Variants in SPON1 observed in about 807,000 individuals in gnomAD.
The protein encoded by SPON1 is spondin 1.
Under a neutral mutation model 111.7 loss-of-function variants are expected in SPON1, and 52 were observed. The ratio of observed to expected loss-of-function variants is 0.47; its 90% confidence interval spans 0.37 to 0.59. SPON1 has a LOEUF of 0.59. Ranked by LOEUF, SPON1 falls within the 20% of genes least tolerant of loss-of-function variation. The pLI is 0.00. For missense variants in SPON1, 957 were observed against 1,068.5 expected (o/e 0.90, Z 1.46); for synonymous variants, 410 against 395.8 (o/e 1.04, Z -0.43).
chr11:14,256,076 A>G (rs782380753), intron 9 of SPON1, among the ~76,000 whole-genome samples: 1 of 152,146 alleles, frequency 6.6e-6, no homozygotes, highest in Non-Finnish European at 1.5e-5. Flanking sequence ...GTGAAACCCC[A>G]TCTCTACTAA....
At chr11:14,112,619 T>C (rs1285905186) in intron 5 of SPON1, among the ~76,000 whole-genome samples, 1 of 152,246 alleles carries the variant, frequency 6.6e-6, no homozygotes, top group Non-Finnish European at 1.5e-5. Flanking sequence ...CAGCTATTAT[T>C]ATGACCCTTT....
chr11:14,060,063 AAAGT>A lies in SPON1; in HGVS notation c.480-15279_480-15276del, dbSNP rs1212814029. On this transcript the variant is annotated intron_variant, in intron 3 of 15. Coordinates refer to ENST00000576479, the MANE Select transcript of SPON1 (RefSeq NM_006108.4). The stretch of plus-strand genomic sequence containing the variant: ...TAGGAAGTACCCCTTTACATTTTTA[AAAGT>A]AATTTAGGGTTTGCAGAGCACCTTC... Among the ~76,000 whole-genome samples the A allele has an allele frequency of 2.0e-5, 3 of 152,200 alleles. No homozygotes were observed. The East Asian group carries it at 5.8e-4, about 29-fold the overall frequency.
At position 14,135,684 on chromosome 11, in the gene SPON1, T is replaced by C. The variant is rs1847583602; in HGVS notation, c.825+116T>C. 6 of 1,057,312 alleles carry C rather than the reference T, an allele frequency of 5.7e-6. No individual in the cohort carries two copies. Among genetic ancestry groups the C allele is most frequent in the Middle Eastern group, 4.2e-4 (2 of 4,768 alleles). The allele number at this position is 1,057,312 out of a possible 1,614,324, so 65.5% of individuals were successfully genotyped here. A position where few individuals can be genotyped will look rare whatever the true frequency, so the allele number is the denominator to read the frequency against. On this transcript the variant is annotated intron_variant, in intron 6 of 15. Coordinates refer to ENST00000576479, the MANE Select transcript of SPON1 (RefSeq NM_006108.4). This position sits in a 1 kb window ranked among gnomAD's most constrained non-coding sequence, Gnocchi z 4.4. ...TACAATGTGGTGGAAGAAAATCTAT[T>C]TGCTGAGTTTGGGGGTTTTATGTTA...
chr11:14,165,731 T>C (rs1057018615), intron 6 of SPON1, among the ~76,000 whole-genome samples: 5 of 152,212 alleles, frequency 3.3e-5, no homozygotes, highest in Admixed American at 6.5e-5. Context: ...AGCATAATTT[T>C]TCTGTCTCCA....
In SPON1 at chr11:14,131,240, C is replaced by G. The variant is rs182440989; in HGVS notation, c.677-4180C>G. Among the ~76,000 whole-genome samples, 15 of 152,268 alleles carry G rather than the reference C, an allele frequency of 9.9e-5. No homozygotes were observed. The East Asian group carries it at 2.5e-3, about 25-fold the overall frequency. ...AACGTGTGTTCTGGAGTCAGGCAGA[C>G]CTGGGCTTGAACCTCAGTTTTGCTC... is the stretch of plus-strand genomic sequence containing the variant. On this transcript the variant is annotated intron_variant, in intron 5 of 15. Coordinates refer to ENST00000576479, the MANE Select transcript of SPON1 (RefSeq NM_006108.4).
At chr11:14,105,928 G>A (rs1203396995) in intron 5 of SPON1, among the ~76,000 whole-genome samples, 1 of 152,144 alleles carries the variant, frequency 6.6e-6, no homozygotes, top group Non-Finnish European at 1.5e-5. Context: ...TCAAGGTAAA[G>A]TCCCATTACC....
chr11:14,237,460 T>G (rs1371017083), intron 6 of SPON1, among the ~76,000 whole-genome samples: 1 of 152,012 alleles, frequency 6.6e-6, no homozygotes, highest in Non-Finnish European at 1.5e-5. Context: ...TCAGGGAAAG[T>G]GGAAAGAATG....
chr11:13,963,262 A>C (rs1174143844), intron 1 of SPON1, 120 bp downstream of exon 1: 9 of 707,900 alleles, frequency 1.3e-5, no homozygotes, highest in African/African-American at 1.9e-5. Context: ...GCAGCCCGGC[A>C]AGGGCCCTTC....
chr11:14,212,458 C>T (rs1427533601), intron 6 of SPON1, among the ~76,000 whole-genome samples: 1 of 152,136 alleles, frequency 6.6e-6, no homozygotes, highest in African/African-American at 2.4e-5. Flanking sequence ...TATAATTAGA[C>T]ATAGTATTCC....
intron 2 of SPON1, among the ~76,000 whole-genome samples, chr11:13,987,086 G>A (rs1166678847): frequency 6.6e-6 from 1 of 152,120 alleles, no homozygotes; most frequent in Non-Finnish European, 1.5e-5. Flanking sequence ...CCCAGTAATG[G>A]GATCGCTGGG....
intron 7 of SPON1, among the ~76,000 whole-genome samples, chr11:14,243,994 C>A (rs1848960006): frequency 1.3e-5 from 2 of 152,208 alleles, no homozygotes; most frequent in South Asian, 4.1e-4. Flanking sequence ...TGGGTCCCAT[C>A]ACCTTCAAAC....
At chr11:14,161,744 A>G (rs949101197) in intron 6 of SPON1, among the ~76,000 whole-genome samples, 3 of 152,216 alleles carry the variant, frequency 2.0e-5, no homozygotes, top group African/African-American at 7.2e-5. Context: ...GAGTGGTTGT[A>G]TGTGTACTCG....
chr11:14,211,664 T>C (rs544288187), intron 6 of SPON1, among the ~76,000 whole-genome samples: 4 of 152,290 alleles, frequency 2.6e-5, no homozygotes, highest in African/African-American at 7.2e-5. Context: ...TTTCTAGGGG[T>C]TTACTGCTTG....
chr11:13,969,307 G>A (rs1258407507), intron 1 of SPON1, among the ~76,000 whole-genome samples: 1 of 152,042 alleles, frequency 6.6e-6, no homozygotes, highest in Non-Finnish European at 1.5e-5. Context: ...GATCTCTTGA[G>A]CTGGAGAAGT....
chr11:14,244,678 G>A lies in SPON1; in HGVS notation c.890+1282G>A, dbSNP rs185729140. 1.3e-3 allele frequency among the ~76,000 whole-genome samples: 200 copies of A among 150,738 alleles called. 1 individual carries two copies. The highest frequency in any genetic ancestry group is 4.5e-3 in the African/African-American group (185 of 40,922). On this transcript the variant is annotated intron_variant, in intron 7 of 15. Coordinates refer to ENST00000576479, the MANE Select transcript of SPON1 (RefSeq NM_006108.4). ...TAGGAGCATCGCCCGGGTCCAGGGA[G>A]TCAAGCAGCAGTGAGCCGTGATCGC...
chr11:14,255,064 G>A (rs1430498128), intron 8 of SPON1, among the ~76,000 whole-genome samples: 2 of 152,192 alleles, frequency 1.3e-5, no homozygotes, highest in Non-Finnish European at 2.9e-5. Flanking sequence ...TCTCTGATAT[G>A]ATCTATTGCA....
At chr11:14,114,684 C>T (rs1849253641) in intron 5 of SPON1, among the ~76,000 whole-genome samples, 1 of 152,198 alleles carries the variant, frequency 6.6e-6, no homozygotes, top group South Asian at 2.1e-4. Context: ...CTCAGAAAGC[C>T]GTTTCCAATT....
At chr11:14,141,308 C>T (rs113570355) in intron 6 of SPON1, among the ~76,000 whole-genome samples, 2,574 of 152,280 alleles carry the variant, frequency 0.017, 79 homozygotes, top group African/African-American at 0.058. Context: ...TGTGTCAGTT[C>T]AGTTTTCCAC....
At chr11:14,102,621 G>T (rs1221919078) in intron 5 of SPON1, among the ~76,000 whole-genome samples, 2 of 152,140 alleles carry the variant, frequency 1.3e-5, no homozygotes, top group Non-Finnish European at 2.9e-5. Context: ...GCATTTACTT[G>T]TCAGGTCTCT....
Sources: allele counts gnomAD v4.1 joint callset (sites outside exome capture counted in the v4.1 genomes callset), GRCh38; gene constraint gnomAD v4.1.1; non-coding constraint Gnocchi (gnomAD v3.1); transcripts MANE v1.5; gene names NCBI Gene and HGNC (gene_info 2026-07-23, HGNC 2026-07-21).